The following FAM227B variants were observed in gnomAD, a reference collection of about 807,000 sequenced individuals.
FAM227B encodes the protein family with sequence similarity 227 member B.
Under a neutral mutation model 73.8 loss-of-function variants are expected in FAM227B, and 88 were observed. The ratio of observed to expected loss-of-function variants is 1.19; its 90% CI spans 1.00 to 1.42. The LOEUF (loss-of-function observed/expected upper bound fraction) is 1.42, where lower values mean the gene tolerates loss of function less well. FAM227B is among the 40% of genes most tolerant of loss of function. The pLI is 0.00. For synonymous variants in FAM227B, 210 were observed against 190.5 expected (o/e 1.10, Z -0.84); for missense variants, 632 against 590.9 (o/e 1.07, Z -0.72).
intron 10 of FAM227B, among the ~76,000 whole-genome samples, chr15:49,519,537 C>G (rs911551149): frequency 6.6e-6 from 1 of 152,168 alleles, no homozygotes; most frequent in African/African-American, 2.4e-5. Context: ...AACTTCTGTG[C>G]ACCCTCAGGC....
intron 11 of FAM227B, among the ~76,000 whole-genome samples, chr15:49,445,577 T>C (rs1182667667): frequency 6.6e-6 from 1 of 151,610 alleles, no homozygotes; most frequent in African/African-American, 2.4e-5. Flanking sequence ...ATCACGGACA[T>C]ACTAATTACC....
At chr15:49,589,692 C>A in intron 4 of FAM227B, 84 bp downstream of exon 4, 1 of 821,566 alleles carries the variant, frequency 1.2e-6, no homozygotes, top group South Asian at 1.6e-5. Flanking sequence ...TCAGGAGGAT[C>A]ACTTGAGGCC....
intron 9 of FAM227B, among the ~76,000 whole-genome samples, chr15:49,564,708 G>C (rs188585387): frequency 3.9e-4 from 59 of 152,168 alleles, no homozygotes; most frequent in African/African-American, 1.4e-3. Context: ...TGCAGCTGGA[G>C]GCCATTAATC....
chr15:49,541,555 A>T, intron 10 of FAM227B, 125 bp downstream of exon 10: 1 of 758,114 alleles, frequency 1.3e-6, no homozygotes, highest in Non-Finnish European at 1.9e-6. Flanking sequence ...ACACATGGGT[A>T]CTGCTATGGC....
chr15:49,532,924 T>C (rs1384327296), intron 10 of FAM227B, among the ~76,000 whole-genome samples: 2 of 151,982 alleles, frequency 1.3e-5, no homozygotes, highest in East Asian at 3.9e-4. Flanking sequence ...GGCTAGCATA[T>C]GGCCACTTGT....
At chr15:49,331,739 T>C in intron 15 of FAM227B, 41 bp downstream of exon 15, 1 of 1,219,194 alleles carries the variant, frequency 8.2e-7, no homozygotes, top group Non-Finnish European at 1.2e-6. Context: ...TAAAAGAAGC[T>C]AGAGAGAGAA....
At chr15:49,493,058 C>A (rs2057259907) in intron 11 of FAM227B, among the ~76,000 whole-genome samples, 1 of 151,810 alleles carries the variant, frequency 6.6e-6, no homozygotes, top group South Asian at 2.1e-4. Flanking sequence ...ATCCAGTAAT[C>A]ACCAAGATTG....
chr15:49,584,018 C>T (rs1278546729), intron 5 of FAM227B, among the ~76,000 whole-genome samples: 1 of 152,074 alleles, frequency 6.6e-6, no homozygotes, highest in African/African-American at 2.4e-5. Flanking sequence ...TCTATGAGGC[C>T]AGCATCATCC....
intron 11 of FAM227B, among the ~76,000 whole-genome samples, chr15:49,495,955 A>G (rs1407059765): frequency 6.6e-6 from 1 of 152,094 alleles, no homozygotes; most frequent in Admixed American, 6.5e-5. Flanking sequence ...CCCGGGAGGC[A>G]GAGGTTGCAG....
Position 49,476,232 on chromosome 15 carries a change from G to GTTTTTTTTTTTTTTTTTT in FAM227B, c.1012+31978_1012+31979insAAAAAAAAAAAAAAAAAA. On this transcript the variant is annotated intron_variant, in intron 11 of 15. Transcript: ENST00000299338. The stretch of plus-strand genomic sequence containing the variant: ...TTGCTGTTTTGTTTTTTTGTTTTTG[G>GTTTTTTTTTTTTTTTTTT]TTTTTTTTTTTTTGCATTTGGCATA... Among the ~76,000 whole-genome samples the GTTTTTTTTTTTTTTTTTT allele has an allele frequency of 7.3e-4, 42 of 57,450 alleles. 5 individuals are homozygous for GTTTTTTTTTTTTTTTTTT. Among genetic ancestry groups the GTTTTTTTTTTTTTTTTTT allele is most frequent in the Non-Finnish European group, 1.1e-3 (30 of 27,472 alleles). The allele number at this position is 57,450 out of a possible 152,430, so 37.7% of individuals were successfully genotyped here. A position where few individuals can be genotyped will look rare whatever the true frequency, so the allele number is the denominator to read the frequency against.
chr15:49,432,009 T>A (rs2050665619), intron 11 of FAM227B, among the ~76,000 whole-genome samples: 1 of 151,742 alleles, frequency 6.6e-6, no homozygotes, highest in Non-Finnish European at 1.5e-5. Flanking sequence ...ATCTCTTGGT[T>A]GATTTTGTGC....
chr15:49,451,052 G>T (rs2052681493), intron 11 of FAM227B, among the ~76,000 whole-genome samples: 2 of 151,936 alleles, frequency 1.3e-5, no homozygotes, highest in Admixed American at 6.6e-5. Flanking sequence ...TTAAATGACA[G>T]TTTAATTCAA....
intron 11 of FAM227B, among the ~76,000 whole-genome samples, chr15:49,447,390 C>T (rs2052321844): frequency 6.6e-6 from 1 of 151,522 alleles, no homozygotes; most frequent in Admixed American, 6.6e-5. Context: ...GATCACAGAG[C>T]TAGTTAGTGA....
chr15:49,368,470 A>G (rs1380809911), intron 12 of FAM227B, among the ~76,000 whole-genome samples: 1 of 152,146 alleles, frequency 6.6e-6, no homozygotes, highest in East Asian at 1.9e-4. Context: ...TTTGCAAAAA[A>G]TATGTTTCAG....
At chr15:49,350,158 G>T (rs1390118114) in intron 13 of FAM227B, among the ~76,000 whole-genome samples, 1 of 151,892 alleles carries the variant, frequency 6.6e-6, no homozygotes, top group Non-Finnish European at 1.5e-5. Flanking sequence ...TCAAGGCAGT[G>T]TTGTTCATAG....
chr15:49,493,511 C>T (rs2057305240), intron 11 of FAM227B, among the ~76,000 whole-genome samples: 1 of 152,004 alleles, frequency 6.6e-6, no homozygotes, highest in Non-Finnish European at 1.5e-5. Flanking sequence ...CCATACCCTG[C>T]TCTGCCATCA....
chr15:49,362,150 C>T (rs1044407462), intron 13 of FAM227B, among the ~76,000 whole-genome samples: 10 of 151,976 alleles, frequency 6.6e-5, no homozygotes, highest in African/African-American at 2.4e-4. Flanking sequence ...CTCTGTGTCC[C>T]CACCCAAATC....
intron 11 of FAM227B, chr15:49,424,268 A>T (rs1217710531): frequency 6.3e-7 from 1 of 1,587,700 alleles, no homozygotes; most frequent in Non-Finnish European, 8.6e-7. Context: ...TCATTATGTT[A>T]TTCATGAACA....
Position 49,508,324 on chromosome 15 carries a change from CA to C in FAM227B, c.898del (p.Trp300GlyfsTer6). ...GAGTTCTTTCAGTTTCCAGTGGATC[CA>C]AAAGCCTTTTTGAGGTTTTAAACCT... ...CSGLKPQKGFWIHWKLKELST... is the reference protein window; with the variant it reads ...CSGLKPQKGFXIHWKLKELST... On this transcript the variant is annotated frameshift_variant, in exon 11 of 16. Transcript: ENST00000299338. LOFTEE classifies it high-confidence loss of function. 1.2e-6 allele frequency: 2 copies of C among 1,601,866 alleles called. No homozygotes were observed. Among genetic ancestry groups the C allele is most frequent in the Admixed American group, 1.7e-5 (1 of 57,220 alleles).
Sources: gnomAD v4.1 joint callset for allele counts (sites outside exome capture counted in the v4.1 genomes callset) on GRCh38, gnomAD v4.1.1 for gene constraint, MANE v1.5 for transcripts, NCBI Gene and HGNC (gene_info 2026-07-23, HGNC 2026-07-21) for gene names.